ETV1: variants seen among roughly 807,000 people sequenced by gnomAD.
The protein encoded by ETV1 is ETS variant transcription factor 1.
A neutral mutation model predicts 62.3 loss-of-function variants in ETV1; 27 were observed. That is an observed-to-expected ratio of 0.43 (90% CI 0.32 to 0.60). The LOEUF is 0.60. Among genes scored for constraint, ETV1 ranks in the 20% least tolerant of loss-of-function variants. ETV1 has a pLI of 0.06. For missense variants in ETV1, 605 were observed against 605.8 expected (o/e 1.00, Z 0.01); for synonymous variants, 222 against 199.6 (o/e 1.11, Z -0.94).
chr7:13,897,933 T>A (rs953393746), intron 13 of ETV1, among the ~76,000 whole-genome samples: 14 of 152,220 alleles, frequency 9.2e-5, no homozygotes, highest in African/African-American at 2.9e-4. Context: ...GGACTTCCTT[T>A]GACGGGTTGC....
intron 6 of ETV1, among the ~76,000 whole-genome samples, chr7:13,964,223 C>T (rs1425649862): frequency 6.6e-6 from 1 of 152,122 alleles, no homozygotes; most frequent in Non-Finnish European, 1.5e-5. Context: ...CACAGCAGGA[C>T]CACCATTTCA....
At chr7:13,987,807 C>A (rs2128515847) in intron 4 of ETV1, among the ~76,000 whole-genome samples, 1 of 152,222 alleles carries the variant, frequency 6.6e-6, no homozygotes, top group East Asian at 1.9e-4. Context: ...GAGTTATATG[C>A]CCCATGGACA....
At chr7:13,952,598 C>T (rs892037882) in intron 6 of ETV1, among the ~76,000 whole-genome samples, 1 of 152,166 alleles carries the variant, frequency 6.6e-6, no homozygotes, top group African/African-American at 2.4e-5. Flanking sequence ...ACATGTAATA[C>T]GGTTAACATT....
At chr7:13,986,766 G>A in intron 4 of ETV1, 81 bp from the exon 5 acceptor site, 4 of 1,028,352 alleles carry the variant, frequency 3.9e-6, no homozygotes, top group Non-Finnish European at 5.7e-6. Flanking sequence ...TCATGAAATT[G>A]GTATTAAATA....
At chr7:13,903,333 G>T (rs1782625082) in intron 12 of ETV1, among the ~76,000 whole-genome samples, 1 of 152,168 alleles carries the variant, frequency 6.6e-6, no homozygotes, top group Non-Finnish European at 1.5e-5. Flanking sequence ...TATCACGCTT[G>T]AATATGTAAC....
chr7:13,947,417 AAC>A (rs2128468223), intron 6 of ETV1, among the ~76,000 whole-genome samples: 1 of 152,074 alleles, frequency 6.6e-6, no homozygotes, highest in South Asian at 2.1e-4. Flanking sequence ...AACAAACTCA[AAC>A]ACACATAATA....
chr7:13,990,835 C>T (rs1336059036), upstream of ETV1: 1 of 152,178 alleles, frequency 6.6e-6, no homozygotes, highest in Non-Finnish European at 1.5e-5. Flanking sequence ...GACCAAAAGA[C>T]GTTTCCGGCA....
chr7:13,903,481 G>A lies in ETV1; in HGVS notation c.1111-2642C>T, dbSNP rs181439249. Among the ~76,000 whole-genome samples the A allele has an allele frequency of 4.1e-3, 629 of 151,894 alleles. 1 individual carries two copies. Among genetic ancestry groups the A allele is most frequent in the Non-Finnish European group, 7.1e-3 (481 of 67,954 alleles). On this transcript the variant is annotated intron_variant, in intron 12 of 13. Coordinates refer to ENST00000430479, the MANE Select transcript of ETV1 (RefSeq NM_004956.5). ...CTTTCTATGTTAATAATTGTTTCCCGGCCGGGCACAGTGGCTCACACCTGT... is the reference window on the plus strand; with the variant it reads ...CTTTCTATGTTAATAATTGTTTCCCAGCCGGGCACAGTGGCTCACACCTGT...
intron 6 of ETV1, among the ~76,000 whole-genome samples, chr7:13,949,702 T>C (rs550266093): frequency 6.6e-6 from 1 of 152,304 alleles, no homozygotes; most frequent in Non-Finnish European, 1.5e-5. Flanking sequence ...ATGTGAATTA[T>C]GTCTGTGACA....
At chr7:13,929,759 G>T (rs982821403) in intron 9 of ETV1, among the ~76,000 whole-genome samples, 2 of 152,172 alleles carry the variant, frequency 1.3e-5, no homozygotes, top group African/African-American at 2.4e-5. Context: ...CATAGGTTTT[G>T]GGGAGCTTGC....
At chr7:13,967,865 A>T (rs1780466556) in intron 6 of ETV1, among the ~76,000 whole-genome samples, 1 of 152,074 alleles carries the variant, frequency 6.6e-6, no homozygotes, top group Admixed American at 6.5e-5. Flanking sequence ...ATTTATTTTC[A>T]TGACTGCTTT....
intron 8 of ETV1, among the ~76,000 whole-genome samples, chr7:13,934,579 C>T (rs1322686276): frequency 6.6e-6 from 1 of 152,206 alleles, no homozygotes; most frequent in Admixed American, 6.5e-5. Flanking sequence ...AGTTCTTAAA[C>T]ACAGCCACTA....
rs972258612 is a variant in ETV1 at position 13,931,885 on chromosome 7, C to T, written c.555-136G>A. The stretch of plus-strand genomic sequence containing the variant: ...AAGCGTAAATCTTTAACAAGCATTA[C>T]GTTTTTCTTTCCTGGATTAGTAGCT... On this transcript the variant is annotated intron_variant, in intron 8 of 13. Coordinates refer to ENST00000430479, the MANE Select transcript of ETV1 (RefSeq NM_004956.5). 7 of 1,056,334 alleles carry T rather than the reference C, an allele frequency of 6.6e-6. No individual in the cohort carries two copies. The East Asian group carries it at 7.7e-5, about 12-fold the overall frequency. The allele number at this position is 1,056,334 out of a possible 1,614,324, so 65.4% of individuals were successfully genotyped here.
intron 6 of ETV1, among the ~76,000 whole-genome samples, chr7:13,942,077 G>A (rs924215718): frequency 4.3e-5 from 6 of 140,940 alleles, no homozygotes; most frequent in African/African-American, 8.1e-5. Flanking sequence ...AGGCTGGAGT[G>A]CAGTGGCGCG....
At chr7:13,898,334 G>A (rs1782053234) in intron 13 of ETV1, among the ~76,000 whole-genome samples, 1 of 152,148 alleles carries the variant, frequency 6.6e-6, no homozygotes, top group Non-Finnish European at 1.5e-5. Flanking sequence ...TTCAAATTAT[G>A]TTTTATCTCT....
intron 13 of ETV1, among the ~76,000 whole-genome samples, chr7:13,898,901 A>G (rs552703874): frequency 6.6e-6 from 1 of 152,316 alleles, no homozygotes; most frequent in South Asian, 2.1e-4. Context: ...CAGGAGGCTG[A>G]GGCAGGAGGA....
rs976460302 is a variant in ETV1 at position 13,893,547 on chromosome 7, A to G, written c.*2319T>C. On this transcript the variant is annotated 3_prime_UTR_variant, in exon 14 of 14. Coordinates refer to ENST00000430479, the MANE Select transcript of ETV1 (RefSeq NM_004956.5). ...CCATTTCTGCCATTGTTCTCTTGTGATAACGTTAGCATGGCCCAATTCTTC... is the reference window on the plus strand; with the variant it reads ...CCATTTCTGCCATTGTTCTCTTGTGGTAACGTTAGCATGGCCCAATTCTTC... The G allele has an allele frequency of 1.3e-5, 3 of 231,986 alleles. No homozygotes were observed. Among genetic ancestry groups the G allele is most frequent in the Middle Eastern group, 1.3e-3 (1 of 780 alleles). The allele number at this position is 231,986 out of a possible 1,614,324, so 14.4% of individuals were successfully genotyped here.
At chr7:13,929,878 G>A (rs1198013846) in intron 9 of ETV1, among the ~76,000 whole-genome samples, 1 of 152,144 alleles carries the variant, frequency 6.6e-6, no homozygotes, top group Non-Finnish European at 1.5e-5. Context: ...AAGTCACAGG[G>A]CTCTCTTTTG....
intron 7 of ETV1, among the ~76,000 whole-genome samples, chr7:13,938,057 T>C (rs1215895072): frequency 6.6e-6 from 1 of 152,190 alleles, no homozygotes; most frequent in Non-Finnish European, 1.5e-5. Flanking sequence ...GCGATTCTCC[T>C]GCCTCAGCCT....
Sources: allele counts gnomAD v4.1 joint callset (sites outside exome capture counted in the v4.1 genomes callset), GRCh38; gene constraint gnomAD v4.1.1; transcripts MANE v1.5; gene names NCBI Gene and HGNC (gene_info 2026-07-23, HGNC 2026-07-21).